Variants in RTKN2 observed in about 807,000 individuals in gnomAD.
RTKN2 encodes the protein rhotekin 2.
RTKN2 carries 69 observed loss-of-function variants against 71.5 expected under a neutral mutation model. The observed-to-expected ratio is 0.96, with a 90% confidence interval of 0.79 to 1.18. The LOEUF (loss-of-function observed/expected upper bound fraction) is 1.18, where lower values mean the gene tolerates loss of function less well. Among genes scored for constraint, RTKN2 ranks in the 50% most tolerant of loss-of-function variants. The probability of loss-of-function intolerance (pLI) is 0.00; values close to 1 mark genes in which losing one functional copy is unlikely to be tolerated. For synonymous variants in RTKN2, 236 were observed against 236.5 expected, an observed-to-expected ratio of 1.00 and a Z score of 0.02; for missense variants, 724 against 719.7, an observed-to-expected ratio of 1.01 and a Z score of -0.07.
At chr10:62,202,986 T>A (rs561898393) in intron 10 of RTKN2, among the ~76,000 whole-genome samples, 1 of 151,950 alleles carries the variant, frequency 6.6e-6, no homozygotes, top group East Asian at 2.0e-4. Context: ...CATGGAGAAA[T>A]CCCGTCTCTA....
intron 9 of RTKN2, among the ~76,000 whole-genome samples, chr10:62,212,081 C>T (rs1001687845): frequency 1.4e-5 from 2 of 146,028 alleles, no homozygotes; most frequent in Non-Finnish European, 3.0e-5. Flanking sequence ...CCCTGGGCAA[C>T]ATGGTGAAAC....
At chr10:62,247,494 G>T (rs1372567663) in intron 2 of RTKN2, among the ~76,000 whole-genome samples, 1 of 151,744 alleles carries the variant, frequency 6.6e-6, no homozygotes, top group Non-Finnish European at 1.5e-5. Flanking sequence ...GGCCATATCT[G>T]GTATTAAAAC....
At chr10:62,209,183 G>A (rs1168620661) in intron 9 of RTKN2, among the ~76,000 whole-genome samples, 1 of 151,998 alleles carries the variant, frequency 6.6e-6, no homozygotes, top group African/African-American at 2.4e-5. Context: ...CAGGAGAATC[G>A]CTTAAACTTG....
chr10:62,234,036 G>A (rs1842205057), intron 6 of RTKN2, among the ~76,000 whole-genome samples: 2 of 152,146 alleles, frequency 1.3e-5, no homozygotes, highest in Admixed American at 1.3e-4. Context: ...CACGCTCCTT[G>A]GAGAAATGGT....
Position 62,194,333 on chromosome 10 carries a change from T to C in RTKN2, c.*3575A>G, listed in dbSNP as rs1465847034. 1.0e-6 allele frequency: 1 copy of C among 984,290 alleles called. No homozygotes were observed. Among genetic ancestry groups the C allele is most frequent in the Non-Finnish European group, 1.2e-6 (1 of 829,042 alleles). The allele number at this position is 984,290 out of a possible 1,614,324, so 61.0% of individuals were successfully genotyped here. ...GCAATGAAGCAGTTGCACACAAACA[T>C]GTAAACATATGTAAACATTTAAAAA... On this transcript the variant is annotated 3_prime_UTR_variant, in exon 12 of 12. Coordinates refer to ENST00000373789, the MANE Select transcript of RTKN2 (RefSeq NM_145307.4).
At chr10:62,212,498 T>C (rs538377226) in intron 9 of RTKN2, among the ~76,000 whole-genome samples, 64 of 150,860 alleles carry the variant, frequency 4.2e-4, no homozygotes, top group African/African-American at 1.4e-3. Flanking sequence ...AGCCGAGGAG[T>C]TTGAGACCAG....
At chr10:62,248,549 C>T (rs4979762) in intron 2 of RTKN2, among the ~76,000 whole-genome samples, 111,355 of 152,026 alleles carry the variant, frequency 0.73, 41,055 homozygotes, top group East Asian at 0.9. Context: ...AAACAAAGCA[C>T]AGCTAGATAA....
intron 1 of RTKN2, among the ~76,000 whole-genome samples, chr10:62,267,655 A>C (rs946791013): frequency 2.0e-5 from 3 of 152,250 alleles, no homozygotes; most frequent in Admixed American, 6.5e-5. Context: ...AGGAAATCCC[A>C]GATTTTTAAA....
chr10:62,208,015 T>C (rs919183700), intron 9 of RTKN2, among the ~76,000 whole-genome samples: 16 of 152,158 alleles, frequency 1.1e-4, no homozygotes, highest in Admixed American at 9.8e-4. Context: ...GTAGCTGGAT[T>C]TGCTTTTCGT....
At chr10:62,236,369 G>A (rs1842259479) in intron 5 of RTKN2, 106 bp from the exon 6 acceptor site, 1 of 761,486 alleles carries the variant, frequency 1.3e-6, no homozygotes. Flanking sequence ...TTTAACATCA[G>A]GAAAATGCAA....
In RTKN2 at chr10:62,198,351, C is replaced by T; in HGVS notation, c.1387G>A (p.Glu463Lys). 1 of 1,613,186 alleles carries T rather than the reference C, an allele frequency of 6.2e-7. No homozygotes were observed. Among genetic ancestry groups the T allele is most frequent in the South Asian group, 1.1e-5 (1 of 90,886 alleles). Residue 463 changes from glutamate to lysine, a missense_variant, in exon 12 of 12, where the codon GAA (glutamate) becomes AAA (lysine). Physicochemically the swap from Glu to Lys is moderately conservative, Grantham distance 56 (BLOSUM62 1). Coordinates refer to ENST00000373789, the MANE Select transcript of RTKN2 (RefSeq NM_145307.4). ...TNGQFLIGQH[E>K]ESLPPPWATL... is the part of the protein sequence containing the mutation. The stretch of plus-strand genomic sequence containing the variant: ...GCCCAAGGAGGTGGTAAGGATTCTT[C>T]ATGCTGACCAATAAGGAACTGCCCA...
At chr10:62,212,182 T>C (rs976002697) in intron 9 of RTKN2, among the ~76,000 whole-genome samples, 1 of 151,832 alleles carries the variant, frequency 6.6e-6, no homozygotes, top group African/African-American at 2.4e-5. Flanking sequence ...AGCTGTTTTG[T>C]AGGCACTACC....
At chr10:62,213,984 A>G (rs1163436599) in intron 9 of RTKN2, among the ~76,000 whole-genome samples, 3 of 152,036 alleles carry the variant, frequency 2.0e-5, no homozygotes, top group African/African-American at 7.2e-5. Flanking sequence ...TTCACTATTA[A>G]GAGGGAAGTT....
downstream of RTKN2, among the ~76,000 whole-genome samples, chr10:62,188,256 G>A (rs1841166733): frequency 6.6e-6 from 1 of 152,156 alleles, no homozygotes; most frequent in Non-Finnish European, 1.5e-5. Flanking sequence ...CTAGTAAGTT[G>A]GGGCTGGTTA....
Position 62,268,755 on chromosome 10 carries a change from G to C in RTKN2, c.-145C>G. 2 of 820,594 alleles carry C rather than the reference G, an allele frequency of 2.4e-6. No homozygotes were observed. The highest frequency in any genetic ancestry group is 3.7e-5 in the South Asian group (2 of 54,398). The allele number at this position is 820,594 out of a possible 1,614,324, so 50.8% of individuals were successfully genotyped here. ...GGGCCGGGGGCGCAGGAGGAGCCGGGCCGAAGCGCACGCGCAGTGGGCGCG... is the reference window on the plus strand; with the variant it reads ...GGGCCGGGGGCGCAGGAGGAGCCGGCCCGAAGCGCACGCGCAGTGGGCGCG... On this transcript the variant is annotated 5_prime_UTR_variant, in exon 1 of 12. Coordinates refer to ENST00000373789, the MANE Select transcript of RTKN2 (RefSeq NM_145307.4).
chr10:62,224,326 T>A (rs1841973858), intron 6 of RTKN2, among the ~76,000 whole-genome samples: 2 of 82,652 alleles, frequency 2.4e-5, no homozygotes, highest in South Asian at 3.0e-4. Flanking sequence ...AAGAATGCTT[T>A]ACTACAAAAA....
chr10:62,260,384 C>G (rs889559831), intron 2 of RTKN2, among the ~76,000 whole-genome samples: 1 of 152,156 alleles, frequency 6.6e-6, no homozygotes, highest in African/African-American at 2.4e-5. Context: ...ATTATAATTT[C>G]TAGTTATATC....
chr10:62,195,799 G>T lies in RTKN2; in HGVS notation c.*2109C>A. ...AAGCTGGGCCCCCCAGAAAGAGACC[G>T]AATAATTTGGTGGGGAGGGGGTGGT... On this transcript the variant is annotated 3_prime_UTR_variant, in exon 12 of 12. Coordinates refer to ENST00000373789, the MANE Select transcript of RTKN2 (RefSeq NM_145307.4). The T allele has an allele frequency of 1.0e-6, 1 of 985,446 alleles. No homozygotes were observed. 61.0% of individuals were successfully genotyped at this position (985,446 alleles called of 1,614,324 possible).
At chr10:62,184,724 A>T (rs149096103) in intron 8 of RTKN2, among the ~76,000 whole-genome samples, 333 of 152,366 alleles carry the variant, frequency 2.2e-3, no homozygotes, top group Non-Finnish European at 3.5e-3. Flanking sequence ...TAAGTACTGC[A>T]GTTATGAAAT....
Sources: allele counts gnomAD v4.1 joint callset (sites outside exome capture counted in the v4.1 genomes callset), GRCh38; gene constraint gnomAD v4.1.1; transcripts MANE v1.5; gene names NCBI Gene and HGNC (gene_info 2026-07-23, HGNC 2026-07-21).